RXFP1: variants seen among roughly 807,000 people sequenced by gnomAD.
RXFP1 encodes the protein relaxin receptor 1.
In RXFP1, 73 loss-of-function variants were observed where a neutral mutation model predicts 89.8. The ratio of observed to expected loss-of-function variants is 0.81; its 90% CI spans 0.67 to 0.99. RXFP1 has a LOEUF of 0.99. RXFP1 is among the 50% of genes least tolerant of loss of function. RXFP1 has a pLI of 0.00. For missense variants in RXFP1, 793 were observed against 895.5 expected (o/e 0.89, Z 1.46); for synonymous variants, 277 against 305.5 (o/e 0.91, Z 0.97).
intron 1 of RXFP1, among the ~76,000 whole-genome samples, chr4:158,550,983 GAA>G (rs561213531): frequency 6.8e-6 from 1 of 146,602 alleles, no homozygotes. Flanking sequence ...AAAACATGAA[GAA>G]AAAAAAAAGC....
intron 1 of RXFP1, among the ~76,000 whole-genome samples, chr4:158,572,449 G>A (rs1755282297): frequency 6.6e-6 from 1 of 152,192 alleles, no homozygotes. Context: ...TAGAAGAGAG[G>A]AATGGAGAGG....
intron 6 of RXFP1, 77 bp downstream of exon 6, chr4:158,608,120 C>T: frequency 1.0e-6 from 1 of 961,192 alleles, no homozygotes. Context: ...AGACCAGCCT[C>T]CCTGTCCATG....
chr4:158,609,083 G>C (rs1763074816), intron 6 of RXFP1, among the ~76,000 whole-genome samples: 3 of 152,190 alleles, frequency 2.0e-5, no homozygotes, highest in Non-Finnish European at 4.4e-5. Flanking sequence ...TGTGAATAAT[G>C]TTGCCATCAA....
At chr4:158,568,387 A>G (rs1306425962) in intron 1 of RXFP1, among the ~76,000 whole-genome samples, 1 of 152,052 alleles carries the variant, frequency 6.6e-6, no homozygotes, top group Non-Finnish European at 1.5e-5. Context: ...AAGAATATTC[A>G]AAAGAGCTGC....
intron 1 of RXFP1, among the ~76,000 whole-genome samples, chr4:158,534,845 T>TTTA (rs1017474792): frequency 2.7e-5 from 4 of 148,906 alleles, no homozygotes; most frequent in Non-Finnish European, 3.0e-5. Flanking sequence ...CTCTCTCATT[T>TTTA]TTATTATTAT....
chr4:158,593,533 G>T, intron 3 of RXFP1, 34 bp downstream of exon 3: 1 of 1,132,844 alleles, frequency 8.8e-7, no homozygotes, highest in Non-Finnish European at 1.3e-6. Flanking sequence ...TCTTTTCCAT[G>T]AGTTCATAAG....
At chr4:158,542,747 A>T in intron 1 of RXFP1, among the ~76,000 whole-genome samples, 1 of 152,166 alleles carries the variant, frequency 6.6e-6, no homozygotes, top group East Asian at 1.9e-4. Context: ...TCCTTTACTT[A>T]ATTTCAGTTC....
chr4:158,577,012 T>TTTC (rs3085268), intron 2 of RXFP1, among the ~76,000 whole-genome samples: 346 of 150,348 alleles, frequency 2.3e-3, no homozygotes, highest in South Asian at 0.01. Context: ...AGGCTGTTCT[T>TTTC]TTCTTCTTCT....
At chr4:158,591,813 G>T (rs958487510) in intron 2 of RXFP1, among the ~76,000 whole-genome samples, 6 of 152,080 alleles carry the variant, frequency 3.9e-5, no homozygotes, top group Non-Finnish European at 5.9e-5. Context: ...CTAACTTACA[G>T]AAATAGGACA....
chr4:158,608,283 T>TC (rs1762900893), intron 6 of RXFP1, among the ~76,000 whole-genome samples: 1 of 121,830 alleles, frequency 8.2e-6, no homozygotes, highest in East Asian at 2.2e-4. Context: ...TCCTTTCTTT[T>TC]TTTTTTTTTT....
intron 1 of RXFP1, among the ~76,000 whole-genome samples, chr4:158,551,614 A>G (rs1750144226): frequency 6.6e-6 from 1 of 152,186 alleles, no homozygotes; most frequent in African/African-American, 2.4e-5. Flanking sequence ...CACCATAAAT[A>G]TGTACAACTT....
At chr4:158,612,947 C>T (rs951234928) in intron 8 of RXFP1, among the ~76,000 whole-genome samples, 1 of 152,204 alleles carries the variant, frequency 6.6e-6, no homozygotes, top group East Asian at 1.9e-4. Flanking sequence ...ACTGTCTATA[C>T]AGGCAGACCT....
intron 12 of RXFP1, among the ~76,000 whole-genome samples, chr4:158,637,579 A>G (rs181875798): frequency 1.3e-5 from 2 of 152,092 alleles, no homozygotes; most frequent in Non-Finnish European, 2.9e-5. Context: ...ATTTTTAACC[A>G]GCTTATTTGT....
At chr4:158,542,109 A>ATATATATATATTTTTTTT in intron 1 of RXFP1, among the ~76,000 whole-genome samples, 16 of 35,224 alleles carry the variant, frequency 4.5e-4, no homozygotes, top group East Asian at 1.2e-3. Context: ...ATATATATAT[A>ATATATATATATTTTTTTT]TTTTTTTTTT....
intron 2 of RXFP1, among the ~76,000 whole-genome samples, chr4:158,591,238 A>T (rs1254695723): frequency 1.3e-5 from 2 of 152,224 alleles, no homozygotes; most frequent in Non-Finnish European, 1.5e-5. Context: ...CACAAAAGCC[A>T]CCACAGTCTC....
chr4:158,521,851 G>A (rs1383871408), upstream of RXFP1: 3 of 581,428 alleles, frequency 5.2e-6, no homozygotes, highest in African/African-American at 3.9e-5. Context: ...GAAGGAGGGA[G>A]GACTGCTTTG....
At chr4:158,542,976 A>T (rs1747197442) in intron 1 of RXFP1, among the ~76,000 whole-genome samples, 1 of 152,110 alleles carries the variant, frequency 6.6e-6, no homozygotes, top group South Asian at 2.1e-4. Flanking sequence ...GGGTGGGAGG[A>T]GGGAGAGGAG....
chr4:158,566,855 C>A (rs1291683297), intron 1 of RXFP1, among the ~76,000 whole-genome samples: 4 of 152,234 alleles, frequency 2.6e-5, no homozygotes, highest in Non-Finnish European at 5.9e-5. Flanking sequence ...GCTTGAGGAG[C>A]CCTTCAGCCC....
intron 1 of RXFP1, among the ~76,000 whole-genome samples, chr4:158,547,407 G>A (rs1227180135): frequency 6.6e-6 from 1 of 152,070 alleles, no homozygotes; most frequent in East Asian, 1.9e-4. Flanking sequence ...CGAGCTCCTG[G>A]ATTCATTAAA....
Sources: gnomAD v4.1 joint callset for allele counts (sites outside exome capture counted in the v4.1 genomes callset) on GRCh38, gnomAD v4.1.1 for gene constraint, MANE v1.5 for transcripts, NCBI Gene and HGNC (gene_info 2026-07-23, HGNC 2026-07-21) for gene names.